CPVL: variants seen among roughly 807,000 people sequenced by gnomAD.
CPVL encodes probable serine carboxypeptidase CPVL.
Under a neutral mutation model 63.7 loss-of-function variants are expected in CPVL, and 51 were observed. That is an observed-to-expected ratio of 0.80 (90% CI 0.64 to 1.01). CPVL has a LOEUF of 1.01. Ranked by LOEUF, CPVL falls within the 50% of genes least tolerant of loss-of-function variation. CPVL has a pLI of 0.00. For missense variants in CPVL, 530 were observed against 573.1 expected (o/e 0.92, Z 0.77); for synonymous variants, 195 against 206.0 (o/e 0.95, Z 0.46).
intron 5 of CPVL, among the ~76,000 whole-genome samples, chr7:29,171,428 A>G (rs1445414683): frequency 4.6e-5 from 7 of 152,154 alleles, no homozygotes; most frequent in Admixed American, 4.6e-4. Context: ...TTCAAGCTGA[A>G]CTTGTTAGAA....
In CPVL at chr7:28,995,719, C is replaced by T. The variant is rs534792825; in HGVS notation, c.*53G>A. ...ATTCCTATGACATTTTCTGTTTTTA[C>T]GATTTTCTTTTCAGCAATGAAAACC... On this transcript the variant is annotated 3_prime_UTR_variant, in exon 13 of 13. Coordinates refer to ENST00000265394, the MANE Select transcript of CPVL (RefSeq NM_031311.5). 4.9e-5 allele frequency: 52 copies of T among 1,071,084 alleles called. 2 individuals are homozygous for T. Among genetic ancestry groups the T allele is most frequent in the South Asian group, 3.3e-4 (23 of 69,344 alleles). 66.3% of individuals were successfully genotyped at this position (1,071,084 alleles called of 1,614,324 possible). A position where few individuals can be genotyped will look rare whatever the true frequency, so the allele number is the denominator to read the frequency against.
At chr7:29,120,863 T>C in intron 2 of CPVL, 30 bp downstream of exon 2, 1 of 1,457,730 alleles carries the variant, frequency 6.9e-7, no homozygotes, top group Non-Finnish European at 9.5e-7. Flanking sequence ...CTCATGCCAG[T>C]GGTTTTCTGA....
chr7:28,998,316 C>T (rs1291326883), intron 12 of CPVL, among the ~76,000 whole-genome samples: 1 of 152,188 alleles, frequency 6.6e-6, no homozygotes, highest in East Asian at 1.9e-4. Flanking sequence ...AAATTGAATA[C>T]CCAAGAGCTA....
At chr7:29,176,593 C>CT (rs1797377757) in intron 5 of CPVL, among the ~76,000 whole-genome samples, 2 of 152,088 alleles carry the variant, frequency 1.3e-5, no homozygotes, top group African/African-American at 4.8e-5. Context: ...ACTACTAAGA[C>CT]ACCCTTACAA....
At chr7:29,145,631 A>G (rs1057138563) in intron 1 of CPVL, among the ~76,000 whole-genome samples, 10 of 152,146 alleles carry the variant, frequency 6.6e-5, no homozygotes, top group African/African-American at 2.2e-4. Context: ...CTTAGCTGAA[A>G]AGCCAAGTCC....
At chr7:29,009,898 T>C (rs1785634848) in intron 12 of CPVL, 2 of 152,198 alleles carry the variant, frequency 1.3e-5, no homozygotes, top group African/African-American at 4.8e-5. Context: ...CTTTGGTATG[T>C]ATTCAATTTT....
intron 3 of CPVL, chr7:29,184,641 C>G (rs983818253): frequency 6.6e-6 from 1 of 152,182 alleles, no homozygotes; most frequent in Non-Finnish European, 1.5e-5. Flanking sequence ...CTGTTTTCTC[C>G]AGGCCTTCAA....
intron 5 of CPVL, among the ~76,000 whole-genome samples, chr7:29,178,421 C>T (rs566537510): frequency 7.2e-5 from 11 of 152,274 alleles, no homozygotes; most frequent in African/African-American, 2.6e-4. Context: ...GCTCCACTGG[C>T]CGCCTTTCCT....
At chr7:29,070,752 G>A (rs565818513) in intron 9 of CPVL, among the ~76,000 whole-genome samples, 2 of 152,232 alleles carry the variant, frequency 1.3e-5, no homozygotes, top group East Asian at 3.9e-4. Context: ...CGGCAAGGGC[G>A]GTCACTGCCT....
At chr7:29,165,848 A>AT (rs1418052628) in intron 5 of CPVL, among the ~76,000 whole-genome samples, 1 of 152,140 alleles carries the variant, frequency 6.6e-6, no homozygotes, top group Non-Finnish European at 1.5e-5. Context: ...ACATGGGTTG[A>AT]TTTTCAAATG....
At chr7:29,059,300 AG>A (rs1011677457) in intron 11 of CPVL, among the ~76,000 whole-genome samples, 38 of 152,244 alleles carry the variant, frequency 2.5e-4, no homozygotes, top group Admixed American at 2.5e-3. Context: ...CTGTTCTTGC[AG>A]GTTGTCTACT....
chr7:29,063,393 A>T (rs1782817862), intron 11 of CPVL, among the ~76,000 whole-genome samples: 2 of 152,158 alleles, frequency 1.3e-5, no homozygotes, highest in Non-Finnish European at 1.5e-5. Flanking sequence ...TTTATCCCTG[A>T]CGTCATTGGG....
intron 1 of CPVL, among the ~76,000 whole-genome samples, chr7:29,189,746 G>A (rs757496475): frequency 9.2e-5 from 14 of 151,858 alleles, no homozygotes; most frequent in Non-Finnish European, 1.8e-4. Flanking sequence ...TGCAGCGGAT[G>A]GCATGCCTTA....
upstream of CPVL, chr7:29,146,641 G>T: frequency 6.4e-7 from 1 of 1,550,592 alleles, no homozygotes; most frequent in Admixed American, 2.0e-5. Flanking sequence ...CCTGGTCCCA[G>T]AAACCTGGCC....
At chr7:29,080,782 C>A (rs998273358) in intron 7 of CPVL, among the ~76,000 whole-genome samples, 4 of 152,258 alleles carry the variant, frequency 2.6e-5, no homozygotes, top group Middle Eastern at 6.8e-3. Context: ...ACTGTACTTC[C>A]AACAGGGACT....
intron 11 of CPVL, among the ~76,000 whole-genome samples, chr7:29,037,367 ACC>A (rs1345402087): frequency 6.6e-6 from 1 of 150,640 alleles, no homozygotes; most frequent in Non-Finnish European, 1.5e-5. Flanking sequence ...ACACGGTGAA[ACC>A]CCGTCTCTAC....
intron 12 of CPVL, chr7:29,001,411 C>CTAAATCTT (rs1784624943): frequency 6.6e-6 from 1 of 152,154 alleles, no homozygotes; most frequent in Non-Finnish European, 1.5e-5. Context: ...ACTTTTATGC[C>CTAAATCTT]ATTCCACATT....
intron 2 of CPVL, 31 bp from the exon 3 acceptor site, chr7:29,112,853 T>C (rs1788392045): frequency 1.4e-6 from 2 of 1,449,542 alleles, no homozygotes; most frequent in East Asian, 2.3e-5. Context: ...TACCCAAGGA[T>C]TACAGAAAAC....
chr7:29,133,775 T>A (rs1790928078), intron 1 of CPVL, among the ~76,000 whole-genome samples: 1 of 152,184 alleles, frequency 6.6e-6, no homozygotes, highest in Admixed American at 6.5e-5. Flanking sequence ...GCAGATCAAA[T>A]TTTTGTTGTT....
Sources: gnomAD v4.1 joint callset for allele counts (sites outside exome capture counted in the v4.1 genomes callset) on GRCh38, gnomAD v4.1.1 for gene constraint, MANE v1.5 for transcripts, NCBI Gene and HGNC (gene_info 2026-07-23, HGNC 2026-07-21) for gene names.